The following PCDH15 variants were observed in gnomAD, a reference collection of about 807,000 sequenced individuals.
The protein encoded by PCDH15 is protocadherin-15.
Under a neutral mutation model 178.5 loss-of-function variants are expected in PCDH15, and 129 were observed. The observed-to-expected ratio is 0.72, with a 90% CI of 0.63 to 0.84. The LOEUF (loss-of-function observed/expected upper bound fraction) is 0.84. Ranked by LOEUF, PCDH15 falls within the 40% of genes least tolerant of loss-of-function variation. The probability of loss-of-function intolerance (pLI) is 0.00; values close to 1 mark genes in which losing one functional copy is unlikely to be tolerated. For synonymous variants in PCDH15, 800 were observed against 732.0 expected, an observed-to-expected ratio of 1.09 and a Z score of -1.50; for missense variants, 2,230 against 2,099.9, an observed-to-expected ratio of 1.06 and a Z score of -1.21.
chr10:55,073,051 T>C (rs144833294), intron 2 of PCDH15, among the ~76,000 whole-genome samples: 10,213 of 152,066 alleles, frequency 0.067, 455 homozygotes, highest in African/African-American at 0.11. Flanking sequence ...TTCAACAACT[T>C]TTCATGCTAA....
chr10:53,961,999 T>C lies in PCDH15; in HGVS notation c.2869-107A>G, dbSNP rs1368311020. On this transcript the variant is annotated intron_variant, in intron 21 of 37. Coordinates refer to ENST00000644397, the MANE Select transcript of PCDH15 (RefSeq NM_001384140.1). Reference sequence around the variant, plus strand: ...ATTCATGGTCTTTTAGAAGTGAAAATCATATTTCCATATTTTCATTCTTTC... The same window carrying C: ...ATTCATGGTCTTTTAGAAGTGAAAACCATATTTCCATATTTTCATTCTTTC... 1.2e-5 allele frequency: 11 copies of C among 940,308 alleles called. No homozygotes were observed. The East Asian group carries it at 2.9e-4, about 25-fold the overall frequency. The allele number at this position is 940,308 out of a possible 1,614,324, so 58.2% of individuals were successfully genotyped here. A position where few individuals can be genotyped will look rare whatever the true frequency, so the allele number is the denominator to read the frequency against.
At chr10:53,996,953 G>A (rs2091883890) in intron 20 of PCDH15, among the ~76,000 whole-genome samples, 1 of 151,958 alleles carries the variant, frequency 6.6e-6, no homozygotes. Flanking sequence ...CAATTTTCCT[G>A]TACAGTATTA....
intron 1 of PCDH15, among the ~76,000 whole-genome samples, chr10:54,777,653 C>CT (rs1249963192): frequency 4.0e-5 from 6 of 151,310 alleles, no homozygotes; most frequent in South Asian, 2.1e-4. Flanking sequence ...TTTCAAAGTT[C>CT]TTTTTTTTTC....
At chr10:54,504,629 T>C (rs1341777257) in intron 3 of PCDH15, among the ~76,000 whole-genome samples, 1 of 152,186 alleles carries the variant, frequency 6.6e-6, no homozygotes, top group Admixed American at 6.6e-5. Flanking sequence ...TTTAGCATTT[T>C]TACACTGACC....
chr10:55,421,451 T>A (rs1469426801), intron 2 of PCDH15, among the ~76,000 whole-genome samples: 3 of 149,560 alleles, frequency 2.0e-5, no homozygotes, highest in Non-Finnish European at 4.5e-5. Context: ...ATATTACATA[T>A]GATTTTCATA....
chr10:54,583,054 TA>T (rs199788592), intron 2 of PCDH15, among the ~76,000 whole-genome samples: 1,960 of 152,142 alleles, frequency 0.013, 43 homozygotes, highest in African/African-American at 0.045. Context: ...GAAAAAAATT[TA>T]AAAGAATCTC....
At chr10:54,007,303 A>G (rs943450778) in intron 20 of PCDH15, among the ~76,000 whole-genome samples, 3 of 152,144 alleles carry the variant, frequency 2.0e-5, no homozygotes, top group Non-Finnish European at 4.4e-5. Flanking sequence ...CTAATTTACT[A>G]TCATCACAGA....
intron 2 of PCDH15, among the ~76,000 whole-genome samples, chr10:54,964,032 G>A (rs1838720203): frequency 6.6e-6 from 1 of 152,164 alleles, no homozygotes; most frequent in Non-Finnish European, 1.5e-5. Flanking sequence ...AGAGGAGTTG[G>A]CAACAGGAAG....
chr10:54,047,065 A>T (rs551921766), intron 18 of PCDH15, among the ~76,000 whole-genome samples: 1 of 152,288 alleles, frequency 6.6e-6, no homozygotes, highest in African/African-American at 2.4e-5. Context: ...ATAAATAAGT[A>T]ATGTAGCATT....
At chr10:55,338,565 C>G (rs1012186556) in intron 2 of PCDH15, among the ~76,000 whole-genome samples, 1 of 152,122 alleles carries the variant, frequency 6.6e-6, no homozygotes, top group Non-Finnish European at 1.5e-5. Context: ...GTCAGGAGTT[C>G]AAGACCAGCT....
intron 2 of PCDH15, among the ~76,000 whole-genome samples, chr10:55,453,258 G>C (rs1044940231): frequency 6.6e-6 from 1 of 152,074 alleles, no homozygotes; most frequent in African/African-American, 2.4e-5. Flanking sequence ...ATCAGCAAGA[G>C]GATAGGTGGA....
chr10:54,584,456 T>G (rs185945831), intron 2 of PCDH15, among the ~76,000 whole-genome samples: 2 of 152,180 alleles, frequency 1.3e-5, no homozygotes, highest in East Asian at 3.9e-4. Flanking sequence ...TCTCAATAGT[T>G]TTTTTTCTCA....
At chr10:54,317,790 AGAAAT>A (rs2061370711) in intron 7 of PCDH15, among the ~76,000 whole-genome samples, 1 of 152,236 alleles carries the variant, frequency 6.6e-6, no homozygotes, top group Non-Finnish European at 1.5e-5. Context: ...ACAACAAAAA[AGAAAT>A]TAGGCACAAT....
intron 2 of PCDH15, among the ~76,000 whole-genome samples, chr10:55,466,248 G>T (rs1839829059): frequency 6.6e-6 from 1 of 152,086 alleles, no homozygotes; most frequent in Non-Finnish European, 1.5e-5. Flanking sequence ...ACTAGAGACA[G>T]CTTAATTAAC....
intron 2 of PCDH15, among the ~76,000 whole-genome samples, chr10:55,575,390 GC>G (rs530404439): frequency 5.3e-5 from 8 of 152,002 alleles, no homozygotes; most frequent in Non-Finnish European, 1.2e-4. Flanking sequence ...ATAAAATTTT[GC>G]CAAATAAAAG....
chr10:53,949,575 A>G (rs1353685932), intron 23 of PCDH15, among the ~76,000 whole-genome samples: 1 of 151,808 alleles, frequency 6.6e-6, no homozygotes, highest in Non-Finnish European at 1.5e-5. Context: ...ACTACAAAAT[A>G]ATTAAAAAAA....
chr10:54,767,011 T>C (rs892446727), intron 1 of PCDH15, among the ~76,000 whole-genome samples: 2 of 152,140 alleles, frequency 1.3e-5, no homozygotes, highest in Non-Finnish European at 2.9e-5. Context: ...CACAATCATA[T>C]TTACTAACGT....
intron 8 of PCDH15, among the ~76,000 whole-genome samples, chr10:54,264,379 A>G (rs768695506): frequency 6.6e-6 from 1 of 152,146 alleles, no homozygotes; most frequent in Non-Finnish European, 1.5e-5. Flanking sequence ...GTGGTCTCCA[A>G]AGCCTCTCAC....
intron 3 of PCDH15, among the ~76,000 whole-genome samples, chr10:54,868,019 C>T (rs1477102490): frequency 2.0e-5 from 3 of 152,066 alleles, no homozygotes; most frequent in Non-Finnish European, 2.9e-5. Context: ...TGTTAATTAG[C>T]TTGTCTTAAT....
Sources: gnomAD v4.1 joint callset for allele counts (sites outside exome capture counted in the v4.1 genomes callset) on GRCh38, gnomAD v4.1.1 for gene constraint, MANE v1.5 for transcripts, NCBI Gene and HGNC (gene_info 2026-07-23, HGNC 2026-07-21) for gene names.